Variants in ZNF652 observed in about 807,000 individuals in gnomAD.
ZNF652 encodes the protein zinc finger protein 652.
Under a neutral mutation model 45.2 loss-of-function variants are expected in ZNF652, and 16 were observed. The observed-to-expected ratio is 0.35, with a 90% CI of 0.24 to 0.54. ZNF652 has a LOEUF of 0.54. Ranked by LOEUF, ZNF652 falls within the 20% of genes least tolerant of loss-of-function variation. ZNF652 has a pLI of 0.91. For missense variants in ZNF652, 614 were observed against 765.6 expected (o/e 0.80, Z 2.34); for synonymous variants, 250 against 260.6 (o/e 0.96, Z 0.39).
chr17:49,356,377 C>G (rs143337822), intron 1 of ZNF652, among the ~76,000 whole-genome samples: 1 of 119,780 alleles, frequency 8.3e-6, no homozygotes, highest in East Asian at 2.6e-4. Flanking sequence ...TGCAATGAGC[C>G]GAGATCACAC....
Position 49,339,197 on chromosome 17 carries a change from ATTTTT to A in ZNF652, c.-258-21219_-258-21215del, listed in dbSNP as rs34574898. On this transcript the variant is annotated intron_variant, in intron 1 of 5. Transcript: ENST00000430262. ...ACAAAGAAAAGGTCTGAGTTAGGAA[ATTTTT>A]TTTTTTTTTTTTTTTTTGAGACGTA... Among the ~76,000 whole-genome samples, 19 of 119,536 alleles carry A rather than the reference ATTTTT, an allele frequency of 1.6e-4. No homozygotes were observed. In the East Asian group the frequency reaches 1.7e-3, roughly 11 times the overall value. 78.4% of individuals were successfully genotyped at this position (119,536 alleles called of 152,430 possible). A position where few individuals can be genotyped will look rare whatever the true frequency, so the allele number is the denominator to read the frequency against.
chr17:49,334,262 C>G (rs1469284768), intron 1 of ZNF652, among the ~76,000 whole-genome samples: 1 of 152,212 alleles, frequency 6.6e-6, no homozygotes, highest in Admixed American at 6.5e-5. Context: ...GGGATGATCA[C>G]TTGAGCCCAG....
intron 1 of ZNF652, among the ~76,000 whole-genome samples, chr17:49,328,684 T>C (rs1197228510): frequency 2.0e-5 from 3 of 152,192 alleles, no homozygotes; most frequent in African/African-American, 7.2e-5. Flanking sequence ...TTGTACACTT[T>C]CTGAGGCCCT....
chr17:49,328,477 G>A (rs1021973232), intron 1 of ZNF652, among the ~76,000 whole-genome samples: 1 of 152,122 alleles, frequency 6.6e-6, no homozygotes, highest in Non-Finnish European at 1.5e-5. Flanking sequence ...TTGGAGGTGA[G>A]GCCTGGTGGG....
intron 1 of ZNF652, among the ~76,000 whole-genome samples, chr17:49,342,884 A>G (rs1041812679): frequency 6.6e-6 from 1 of 151,420 alleles, no homozygotes; most frequent in Non-Finnish European, 1.5e-5. Flanking sequence ...TTCCACATAG[A>G]ATTTTTTTTT....
rs1286214089 is a variant in ZNF652, at chr17:49,313,365, G to A, written c.901-520C>T. ...GTAGAGACAGGGTTTCACCGTGTTG[G>A]CCAGGGTGATCTCGATCTTCTGGCC... On this transcript the variant is annotated intron_variant, in intron 2 of 5. Coordinates refer to ENST00000430262, the MANE Select transcript of ZNF652 (RefSeq NM_001145365.3). 2.0e-5 allele frequency among the ~76,000 whole-genome samples: 3 copies of A among 151,848 alleles called. No homozygotes were observed. The East Asian group carries it at 5.8e-4, about 30-fold the overall frequency.
At position 49,344,188 on chromosome 17, in the gene ZNF652, G is replaced by A. The variant is rs573483503; in HGVS notation, c.-259+17721C>T. On this transcript the variant is annotated intron_variant, in intron 1 of 5. Coordinates refer to ENST00000430262, the MANE Select transcript of ZNF652 (RefSeq NM_001145365.3). ...TGCACTCCAGCCTGGGGGACAGAGC[G>A]AGACTCCGTTTCAAAAAAAAAAAAT... Among the ~76,000 whole-genome samples the A allele has an allele frequency of 3.5e-5, 5 of 141,536 alleles. No individual in the cohort carries two copies. The East Asian group carries it at 1.1e-3, about 30-fold the overall frequency. The allele number at this position is 141,536 out of a possible 152,430, so 92.9% of individuals were successfully genotyped here. A position where few individuals can be genotyped will look rare whatever the true frequency, so the allele number is the denominator to read the frequency against.
At chr17:49,288,940 A>G (rs894707059), downstream of ZNF652, among the ~76,000 whole-genome samples, 1 of 152,218 alleles carries the variant, frequency 6.6e-6, no homozygotes, top group South Asian at 2.1e-4. Context: ...TGAACAAACT[A>G]GTGTTACTGA....
chr17:49,298,202 A>G lies in ZNF652; in HGVS notation c.*211T>C, dbSNP rs2143693721. 3.3e-6 allele frequency: 2 copies of G among 606,724 alleles called. No individual in the cohort carries two copies. Among genetic ancestry groups the G allele is most frequent in the East Asian group, 6.0e-5 (2 of 33,390 alleles). 37.6% of individuals were successfully genotyped at this position (606,724 alleles called of 1,614,324 possible). A position where few individuals can be genotyped will look rare whatever the true frequency, so the allele number is the denominator to read the frequency against. ...ATGCAAGCAAATTGGGCTTTAGTTCAGTGGTTCCCCTGGTTTAGATGACAG... is the reference window on the plus strand; with the variant it reads ...ATGCAAGCAAATTGGGCTTTAGTTCGGTGGTTCCCCTGGTTTAGATGACAG... On this transcript the variant is annotated 3_prime_UTR_variant, in exon 6 of 6. Coordinates refer to ENST00000430262, the MANE Select transcript of ZNF652 (RefSeq NM_001145365.3).
At chr17:49,339,964 C>A (rs1266526429) in intron 1 of ZNF652, among the ~76,000 whole-genome samples, 1 of 152,128 alleles carries the variant, frequency 6.6e-6, no homozygotes, top group African/African-American at 2.4e-5. Flanking sequence ...GAACTCCTGA[C>A]CTCGTGATCC....
chr17:49,345,828 G>C (rs1403060337), intron 1 of ZNF652, among the ~76,000 whole-genome samples: 3 of 138,108 alleles, frequency 2.2e-5, no homozygotes, highest in Non-Finnish European at 4.6e-5. Context: ...GCGAAAGAGC[G>C]AGACTCCATC....
chr17:49,337,353 A>G (rs977292233), intron 1 of ZNF652, among the ~76,000 whole-genome samples: 1 of 149,968 alleles, frequency 6.7e-6, no homozygotes, highest in African/African-American at 2.4e-5. Flanking sequence ...AAAAAAAAAA[A>G]AGAAAAAAGA....
chr17:49,325,312 G>A (rs1388571385), intron 1 of ZNF652, among the ~76,000 whole-genome samples: 3 of 152,122 alleles, frequency 2.0e-5, no homozygotes, highest in East Asian at 1.9e-4. Context: ...GAGAGGGAGA[G>A]AGATGGTGTA....
chr17:49,289,029 G>C (rs2069368761), downstream of ZNF652, among the ~76,000 whole-genome samples: 1 of 152,146 alleles, frequency 6.6e-6, no homozygotes, highest in Admixed American at 6.6e-5. Flanking sequence ...TTCATGAAGA[G>C]ATCAGGCAGG....
chr17:49,333,804 G>A (rs1046296373), intron 1 of ZNF652, among the ~76,000 whole-genome samples: 1 of 151,106 alleles, frequency 6.6e-6, no homozygotes, highest in African/African-American at 2.4e-5. Context: ...CAGCATTAGT[G>A]AAATGCAAAT....
At chr17:49,318,127 G>A (rs1042498163) in intron 1 of ZNF652, 144 bp from the exon 2 acceptor site, 3 of 154,168 alleles carry the variant, frequency 1.9e-5, no homozygotes, top group African/African-American at 7.2e-5. Flanking sequence ...CACCCAGGCT[G>A]GAGTGCAGTA....
Position 49,297,722 on chromosome 17 carries a change from TA to T in ZNF652, c.*690del, listed in dbSNP as rs562112108. The stretch of plus-strand genomic sequence containing the variant: ...TTTAAGAATCACATTTTGATGATTA[TA>T]AAAATTTTTTTCTATTTTACAACAT... On this transcript the variant is annotated 3_prime_UTR_variant, in exon 6 of 6. Coordinates refer to ENST00000430262, the MANE Select transcript of ZNF652 (RefSeq NM_001145365.3). 275 of 152,762 alleles carry T rather than the reference TA, an allele frequency of 1.8e-3. 1 individual carries two copies. Among genetic ancestry groups the T allele is most frequent in the Non-Finnish European group, 3.2e-3 (215 of 68,028 alleles). The allele number at this position is 152,762 out of a possible 1,614,324, so 9.5% of individuals were successfully genotyped here. A position where few individuals can be genotyped will look rare whatever the true frequency, so the allele number is the denominator to read the frequency against.
At chr17:49,348,362 G>A (rs940488647) in intron 1 of ZNF652, among the ~76,000 whole-genome samples, 6 of 151,650 alleles carry the variant, frequency 4.0e-5, no homozygotes, top group Non-Finnish European at 7.4e-5. Flanking sequence ...TGGTGTGTGT[G>A]TGCCTCCCAG....
At chr17:49,345,819 C>A in intron 1 of ZNF652, among the ~76,000 whole-genome samples, 3 of 138,748 alleles carry the variant, frequency 2.2e-5, no homozygotes, top group Admixed American at 7.7e-5. Context: ...CCAGCCTGGG[C>A]GAAAGAGCGA....
Sources: gnomAD v4.1 joint callset for allele counts (sites outside exome capture counted in the v4.1 genomes callset) on GRCh38, gnomAD v4.1.1 for gene constraint, MANE v1.5 for transcripts, NCBI Gene and HGNC (gene_info 2026-07-23, HGNC 2026-07-21) for gene names.